SACM1L: variants seen among roughly 807,000 people sequenced by gnomAD.
SACM1L encodes the protein phosphatidylinositol-3-phosphatase SAC1.
SACM1L carries 32 observed loss-of-function variants against 89.5 expected under a neutral mutation model. That is an observed-to-expected ratio of 0.36 (90% CI 0.27 to 0.48). The LOEUF is 0.48. Among genes scored for constraint, SACM1L ranks in the 20% least tolerant of loss-of-function variants. The probability of loss-of-function intolerance (pLI) is 0.99; values close to 1 mark genes in which losing one functional copy is unlikely to be tolerated. For missense variants in SACM1L, 543 were observed against 708.5 expected (o/e 0.77, Z 2.65); for synonymous variants, 213 against 232.8 (o/e 0.92, Z 0.77).
chr3:45,734,151 G>T (rs1386245811), intron 13 of SACM1L, among the ~76,000 whole-genome samples: 2 of 127,606 alleles, frequency 1.6e-5, no homozygotes, highest in African/African-American at 6.2e-5. Flanking sequence ...TGTGGCTCAC[G>T]CCTGTAATCC....
At chr3:45,739,246 T>G (rs1699266424) in intron 18 of SACM1L, among the ~76,000 whole-genome samples, 1 of 152,192 alleles carries the variant, frequency 6.6e-6, no homozygotes, top group African/African-American at 2.4e-5. Flanking sequence ...CACCAGACCC[T>G]GCAAGAGCCG....
chr3:45,724,298 G>GGTGTGTGTGTGTGT lies in SACM1L; in HGVS notation c.921+778_921+791dup, dbSNP rs61075879. Among the ~76,000 whole-genome samples, 599 of 139,796 alleles carry GGTGTGTGTGTGTGT rather than the reference G, an allele frequency of 4.3e-3. 5 individuals are homozygous for GGTGTGTGTGTGTGT. The highest frequency in any genetic ancestry group is 8.8e-3 in the African/African-American group (327 of 37,198). 91.7% of individuals were successfully genotyped at this position (139,796 alleles called of 152,430 possible). On this transcript the variant is annotated intron_variant, in intron 11 of 19. Coordinates refer to ENST00000389061, the MANE Select transcript of SACM1L (RefSeq NM_014016.5). Reference sequence around the variant, plus strand: ...TCCTTGCTGACAATTGTTGTTTTCTGGTGTGTGTGTGTGTGTGTGTGTGTG... The same window carrying GGTGTGTGTGTGTGT: ...TCCTTGCTGACAATTGTTGTTTTCTGGTGTGTGTGTGTGTGTGTGTGTGTGTGTGTGTGTGTGTG...
At chr3:45,714,801 T>A (rs1698611820) in intron 7 of SACM1L, among the ~76,000 whole-genome samples, 1 of 152,140 alleles carries the variant, frequency 6.6e-6, no homozygotes, top group Non-Finnish European at 1.5e-5. Context: ...GACATCATAA[T>A]AAAAATAAAG....
chr3:45,707,058 G>T (rs541350467), intron 4 of SACM1L, 151 bp downstream of exon 4: 3 of 565,678 alleles, frequency 5.3e-6, no homozygotes, highest in Admixed American at 4.1e-5. Flanking sequence ...TTCTACCTAG[G>T]CATAAAAAAT....
chr3:45,711,895 T>A (rs950198689), intron 5 of SACM1L, among the ~76,000 whole-genome samples: 1 of 152,160 alleles, frequency 6.6e-6, no homozygotes, highest in African/African-American at 2.4e-5. Flanking sequence ...TTCTTTTATA[T>A]TTTTTTAGTT....
chr3:45,703,840 T>C (rs890720124), intron 2 of SACM1L, among the ~76,000 whole-genome samples: 2 of 152,208 alleles, frequency 1.3e-5, no homozygotes, highest in East Asian at 1.9e-4. Context: ...TTTAGATAGC[T>C]AAGCTTCTTT....
At chr3:45,733,397 G>A (rs1301775125) in intron 13 of SACM1L, among the ~76,000 whole-genome samples, 1 of 152,180 alleles carries the variant, frequency 6.6e-6, no homozygotes, top group Non-Finnish European at 1.5e-5. Context: ...CATTTGTAAA[G>A]TGAAGATGAT....
chr3:45,707,957 A>T (rs1387465655), intron 4 of SACM1L, among the ~76,000 whole-genome samples: 1 of 152,196 alleles, frequency 6.6e-6, no homozygotes, highest in African/African-American at 2.4e-5. Context: ...ATAGTGTGCT[A>T]AATATTAGTT....
At chr3:45,722,772 C>T (rs1698816686) in intron 9 of SACM1L, 97 bp from the exon 10 acceptor site, 3 of 808,278 alleles carry the variant, frequency 3.7e-6, no homozygotes, top group Admixed American at 2.7e-5. Context: ...AGTTTTTTCC[C>T]TTGCATATTC....
At chr3:45,696,941 T>G (rs186368539) in intron 1 of SACM1L, among the ~76,000 whole-genome samples, 25 of 152,318 alleles carry the variant, frequency 1.6e-4, no homozygotes, top group African/African-American at 6.0e-4. Context: ...TCTTAAGAGC[T>G]GTTGAATCCC....
chr3:45,704,952 A>T (rs1016179780), intron 2 of SACM1L, among the ~76,000 whole-genome samples, 183 bp from the exon 3 acceptor site: 5 of 152,216 alleles, frequency 3.3e-5, no homozygotes, highest in Non-Finnish European at 5.9e-5. Context: ...TATTGCTGTT[A>T]CACTCCAGTT....
intron 1 of SACM1L, among the ~76,000 whole-genome samples, chr3:45,698,782 TA>T (rs1038095706): frequency 6.6e-6 from 1 of 152,030 alleles, no homozygotes; most frequent in Admixed American, 6.6e-5. Context: ...ACTGAACTCC[TA>T]ACTTCACGGA....
At chr3:45,704,973 A>C (rs1259382367) in intron 2 of SACM1L, among the ~76,000 whole-genome samples, 162 bp from the exon 3 acceptor site, 1 of 152,250 alleles carries the variant, frequency 6.6e-6, no homozygotes, top group Non-Finnish European at 1.5e-5. Flanking sequence ...TACATAACTT[A>C]TAGCTCTATC....
intron 11 of SACM1L, among the ~76,000 whole-genome samples, chr3:45,728,442 T>G (rs946253083): frequency 2.0e-5 from 3 of 152,184 alleles, no homozygotes; most frequent in African/African-American, 7.2e-5. Context: ...CATTTTCGTT[T>G]GTGTATATTC....
chr3:45,728,088 GAT>G (rs1698965305), intron 11 of SACM1L, among the ~76,000 whole-genome samples: 1 of 152,136 alleles, frequency 6.6e-6, no homozygotes. Flanking sequence ...TATTTTGTCT[GAT>G]ACTAGTGTAG....
In SACM1L at chr3:45,737,627, T is replaced by A. The variant is rs1699230205; in HGVS notation, c.1284T>A (p.Asp428Glu). Residue 428 changes from aspartate to glutamate, a missense_variant, in exon 15 of 20, where the codon GAT (aspartate) becomes GAA (glutamate). Physicochemically the swap from Asp to Glu is conservative, Grantham distance 45. This residue lies in a region of SACM1L where 370 missense variants were observed against 527.6 expected (regional missense o/e 0.70). Coordinates refer to ENST00000389061, the MANE Select transcript of SACM1L (RefSeq NM_014016.5). ...TGGGACAAAAGCTTGAAGAACAAGA[T>A]GAATTTGAGAAGATTTACAAAAATG... The part of the protein sequence containing the change: ...LHVGQKLEEQ[D>E]EFEKIYKNAW... The A allele has an allele frequency of 1.3e-6, 2 of 1,593,524 alleles. No homozygotes were observed. The highest frequency in any genetic ancestry group is 1.2e-5 in the South Asian group (1 of 86,514).
chr3:45,741,068 T>C (rs901883106), intron 19 of SACM1L, among the ~76,000 whole-genome samples: 4 of 152,262 alleles, frequency 2.6e-5, no homozygotes, highest in African/African-American at 9.6e-5. Flanking sequence ...TTTGGAGGTT[T>C]GAGTCTGAGA....
At chr3:45,709,320 G>A (rs536969821) in intron 4 of SACM1L, among the ~76,000 whole-genome samples, 178 bp from the exon 5 acceptor site, 1 of 152,284 alleles carries the variant, frequency 6.6e-6, no homozygotes, top group East Asian at 1.9e-4. Context: ...AGTATCTTCT[G>A]TGTGTCAGGA....
chr3:45,730,576 G>A (rs529930449), intron 11 of SACM1L: 1 of 152,348 alleles, frequency 6.6e-6, no homozygotes, highest in African/African-American at 2.4e-5. Context: ...GTCCTTTGCT[G>A]AGTAGCCAGG....
Sources: gnomAD v4.1 joint callset for allele counts (sites outside exome capture counted in the v4.1 genomes callset) on GRCh38, gnomAD v4.1.1 for gene constraint, gnomAD v4.1.1 regional missense constraint, MANE v1.5 for transcripts, NCBI Gene and HGNC (gene_info 2026-07-23, HGNC 2026-07-21) for gene names.